CSF2RA: variants seen among roughly 807,000 people sequenced by gnomAD.
CSF2RA encodes colony stimulating factor 2 receptor subunit alpha, also known as granulocyte-macrophage colony-stimulating factor receptor subunit alpha.
Under a neutral mutation model 51.6 loss-of-function variants are expected in CSF2RA, and 42 were observed. That is an observed-to-expected ratio of 0.81 (90% CI 0.64 to 1.05). The LOEUF (loss-of-function observed/expected upper bound fraction) is 1.05, where lower values mean the gene tolerates loss of function less well. Among genes scored for constraint, CSF2RA ranks in the 50% least tolerant of loss-of-function variants. CSF2RA has a pLI of 0.00. For synonymous variants in CSF2RA, 222 were observed against 193.0 expected, an observed-to-expected ratio of 1.15 and a Z score of -1.24; for missense variants, 530 against 501.1, an observed-to-expected ratio of 1.06 and a Z score of -0.55.
intron 2 of CSF2RA, 25 bp downstream of exon 2, chrX:1,274,843 G>C: frequency 4.4e-6 from 2 of 453,538 alleles, no homozygotes; most frequent in Non-Finnish European, 8.8e-6. Flanking sequence ...CGGCCTGTCG[G>C]TAATGTGGTT....
At chrX:1,304,059 G>A (rs1233449222) in intron 11 of CSF2RA, 40 bp downstream of exon 11, 1 of 1,510,196 alleles carries the variant, frequency 6.6e-7, no homozygotes, top group Non-Finnish European at 9.2e-7. Flanking sequence ...ATGAAAACAG[G>A]CCAGGCCGGG....
At chrX:1,312,251 A>AT (rs1473585184), downstream of CSF2RA, among the ~76,000 whole-genome samples, 1 of 152,092 alleles carries the variant, frequency 6.6e-6, no homozygotes, top group Non-Finnish European at 1.5e-5. Context: ...TATAAGGACA[A>AT]TTGTAATTAC....
intron 2 of CSF2RA, among the ~76,000 whole-genome samples, chrX:1,277,281 G>T (rs2089300674): frequency 6.6e-6 from 1 of 151,892 alleles, no homozygotes; most frequent in African/African-American, 2.4e-5. Flanking sequence ...CCCAAGAGGG[G>T]GTTCTTGGAT....
chrX:1,314,330 G>C (rs1244616802), downstream of CSF2RA, among the ~76,000 whole-genome samples: 4 of 133,266 alleles, frequency 3.0e-5, no homozygotes, highest in African/African-American at 1.2e-4. Flanking sequence ...CACTGCACCT[G>C]CCCAACCCCA....
In CSF2RA at chrX:1,309,806, T is replaced by C. The variant is rs1159033905; in HGVS notation, c.*327T>C. On this transcript the variant is annotated 3_prime_UTR_variant, in exon 13 of 13. Coordinates refer to ENST00000381529, the MANE Select transcript of CSF2RA (RefSeq NM_172245.4). The stretch of plus-strand genomic sequence containing the variant: ...GGGAGGCTGAGGCAGGAGAATTGCT[T>C]GAACCCGTGAGGCGGAGGTTGTAGT... The C allele has an allele frequency of 3.2e-6, 2 of 620,098 alleles. No homozygotes were observed. Among genetic ancestry groups the C allele is most frequent in the Admixed American group, 5.4e-5 (2 of 37,182 alleles). 38.4% of individuals were successfully genotyped at this position (620,098 alleles called of 1,614,324 possible). A position where few individuals can be genotyped will look rare whatever the true frequency, so the allele number is the denominator to read the frequency against.
At chrX:1,271,856 C>T (rs1177802514) in intron 1 of CSF2RA, among the ~76,000 whole-genome samples, 1 of 152,086 alleles carries the variant, frequency 6.6e-6, no homozygotes, top group African/African-American at 2.4e-5. Flanking sequence ...ACTCGAGAAG[C>T]TCTTCTCGAG....
chrX:1,301,599 T>TC (rs1365849572), intron 10 of CSF2RA, among the ~76,000 whole-genome samples: 1 of 107,936 alleles, frequency 9.3e-6, no homozygotes, highest in Non-Finnish European at 2.1e-5. Context: ...TTTTTTCTTT[T>TC]TTTTTTTTTT....
the CSF2RA span, among the ~76,000 whole-genome samples, chrX:1,321,529 C>T: frequency 1.4e-4 from 21 of 149,580 alleles, no homozygotes; most frequent in Admixed American, 1.4e-3. Flanking sequence ...TGGCTGAGGT[C>T]GTGCCACTGC....
rs372682829 is a variant in CSF2RA at position 1,282,718 on chromosome X, G to T, written c.15G>T (p.Val5=). The change falls in exon 3 of 13, where the codon GTG becomes GTT. Residue 5 remains valine, a synonymous_variant. Coordinates refer to ENST00000381529, the MANE Select transcript of CSF2RA (RefSeq NM_172245.4). ...TGACCAGCACCATGCTTCTCCTGGT[G>T]ACAAGCCTTCTGCTCTGTGAGTTAC... The part of the protein sequence containing the change: MLLL[V]TSLLLCELPH... The T allele has an allele frequency of 7.7e-5, 124 of 1,613,598 alleles. No individual in the cohort carries two copies. The highest frequency in any genetic ancestry group is 6.6e-4 in the Middle Eastern group (4 of 6,078).
chrX:1,307,251 G>T lies in CSF2RA; in HGVS notation c.1125+1724G>T, dbSNP rs558418888. On this transcript the variant is annotated intron_variant, in intron 12 of 12. Transcript: ENST00000381529. ...TTAAAAAGGAAATAAAACTCTTGTC[G>T]GGGAACCTCAGCTTTTATCCTTTAG... Among the ~76,000 whole-genome samples, 25 of 152,258 alleles carry T rather than the reference G, an allele frequency of 1.6e-4. 1 individual carries two copies. The highest frequency in any genetic ancestry group is 8.3e-4 in the South Asian group (4 of 4,822).
chrX:1,323,825 T>A, the CSF2RA span, among the ~76,000 whole-genome samples: 4,359 of 151,216 alleles, frequency 0.029, 127 homozygotes, highest in East Asian at 0.12. Context: ...CCATCCTGGC[T>A]AACACGGTGA....
chrX:1,301,381 A>G (rs184794086), intron 10 of CSF2RA, among the ~76,000 whole-genome samples: 1 of 149,428 alleles, frequency 6.7e-6, no homozygotes, highest in Admixed American at 6.7e-5. Flanking sequence ...GTGGTCTCAT[A>G]CTCATACGGG....
At chrX:1,308,966 G>T (rs770803520) in intron 12 of CSF2RA, among the ~76,000 whole-genome samples, 2 of 152,162 alleles carry the variant, frequency 1.3e-5, no homozygotes, top group Non-Finnish European at 2.9e-5. Context: ...AGTGGCTCAT[G>T]CCTGTCATCC....
At chrX:1,307,905 C>T (rs1489079119) in intron 12 of CSF2RA, among the ~76,000 whole-genome samples, 2 of 144,604 alleles carry the variant, frequency 1.4e-5, no homozygotes, top group South Asian at 2.3e-4. Flanking sequence ...AGATGAGACC[C>T]ACCCTTCCCA....
At chrX:1,305,406 C>G in intron 11 of CSF2RA, 40 bp from the exon 12 acceptor site, 1 of 1,610,732 alleles carries the variant, frequency 6.2e-7, no homozygotes, top group Non-Finnish European at 8.5e-7. Context: ...CTCTGGTGAC[C>G]CGGGGTTCAT....
the CSF2RA span, among the ~76,000 whole-genome samples, chrX:1,320,165 G>A: frequency 6.6e-6 from 1 of 151,768 alleles, no homozygotes; most frequent in Non-Finnish European, 1.5e-5. Flanking sequence ...AAAGTGCTGG[G>A]ATTACAGGCA....
chrX:1,292,502 G>C (rs1205320960), intron 7 of CSF2RA, among the ~76,000 whole-genome samples: 1 of 152,116 alleles, frequency 6.6e-6, no homozygotes, highest in African/African-American at 2.4e-5. Context: ...AATGTGGCAG[G>C]AGGACAGGGT....
chrX:1,314,463 GC>G (rs2084383446), downstream of CSF2RA, among the ~76,000 whole-genome samples: 1 of 145,696 alleles, frequency 6.9e-6, no homozygotes, highest in African/African-American at 2.6e-5. Context: ...CACTGCACCT[GC>G]CCAACCCCAA....
chrX:1,318,271 C>A, the CSF2RA span, among the ~76,000 whole-genome samples: 1,054 of 151,710 alleles, frequency 6.9e-3, 17 homozygotes, highest in African/African-American at 0.025. Context: ...TCAAGTGATT[C>A]TCCTGCCTCA....
Sources: gnomAD v4.1 joint callset for allele counts (sites outside exome capture counted in the v4.1 genomes callset) on GRCh38, gnomAD v4.1.1 for gene constraint, MANE v1.5 for transcripts, NCBI Gene and HGNC (gene_info 2026-07-23, HGNC 2026-07-21) for gene names.